Variants in FMNL2 observed in about 807,000 individuals in gnomAD.
FMNL2 encodes formin like 2.
FMNL2 carries 51 observed loss-of-function variants against 130.2 expected under a neutral mutation model. The observed-to-expected ratio is 0.39, with a 90% CI of 0.31 to 0.49. The LOEUF (loss-of-function observed/expected upper bound fraction) is 0.49. Ranked by LOEUF, FMNL2 falls within the 20% of genes least tolerant of loss-of-function variation. The pLI, the probability that FMNL2 is intolerant of heterozygous loss-of-function variation, is 0.85. For missense variants in FMNL2, 977 were observed against 1,316.2 expected, an observed-to-expected ratio of 0.74 and a Z score of 3.99; for synonymous variants, 465 against 467.1, an observed-to-expected ratio of 1.00 and a Z score of 0.06.
intron 1 of FMNL2, among the ~76,000 whole-genome samples, chr2:152,520,572 G>A (rs1312933819): frequency 6.8e-6 from 1 of 146,756 alleles, no homozygotes; most frequent in Admixed American, 6.9e-5. Flanking sequence ...TACAGCCTGG[G>A]CAACAGGAGT....
intron 8 of FMNL2, 126 bp from the exon 9 acceptor site, chr2:152,580,830 C>T (rs1463656211): frequency 5.0e-6 from 4 of 796,090 alleles, no homozygotes; most frequent in Admixed American, 5.0e-5. Flanking sequence ...TTAAACTGTA[C>T]CTTAGTAAAA....
At chr2:152,419,387 G>A (rs1250071108) in intron 1 of FMNL2, among the ~76,000 whole-genome samples, 1 of 152,126 alleles carries the variant, frequency 6.6e-6, no homozygotes, top group Non-Finnish European at 1.5e-5. Flanking sequence ...AAAAAAGGAA[G>A]AAATTCTGTC....
chr2:152,357,646 A>G (rs1306265825), intron 1 of FMNL2, among the ~76,000 whole-genome samples: 1 of 149,618 alleles, frequency 6.7e-6, no homozygotes, highest in African/African-American at 2.4e-5. Flanking sequence ...AGTTTAATGT[A>G]TAACGATAAA....
rs115216121 is a variant in FMNL2, at chr2:152,420,394, A to G, written c.117+84674A>G. The stretch of plus-strand genomic sequence containing the variant: ...CAAGCTGAATATTACTTAAAATGCC[A>G]GTAGGAAAAAAAGTCACACCCCTTT... On this transcript the variant is annotated intron_variant, in intron 1 of 25. Transcript: ENST00000288670. Among the ~76,000 whole-genome samples, 1,388 of 152,326 alleles carry G rather than the reference A, an allele frequency of 9.1e-3. 29 individuals are homozygous for G. The highest frequency in any genetic ancestry group is 0.032 in the African/African-American group (1,334 of 41,586).
At chr2:152,433,559 G>A (rs367883259) in intron 1 of FMNL2, among the ~76,000 whole-genome samples, 1 of 152,186 alleles carries the variant, frequency 6.6e-6, no homozygotes, top group Non-Finnish European at 1.5e-5. Context: ...GTAGTCTACC[G>A]TGGACATCAG....
At chr2:152,494,244 G>A (rs999315294) in intron 1 of FMNL2, among the ~76,000 whole-genome samples, 3 of 152,158 alleles carry the variant, frequency 2.0e-5, no homozygotes, top group Admixed American at 2.0e-4. Context: ...GTGTTTTGTT[G>A]GACTAAAGTT....
Position 152,617,084 on chromosome 2 carries a change from T to G in FMNL2, c.1213-7T>G. The G allele has an allele frequency of 6.2e-7, 1 of 1,613,544 alleles. No homozygotes were observed. Among genetic ancestry groups the G allele is most frequent in the Non-Finnish European group, 8.5e-7 (1 of 1,179,608 alleles). ...ATTGTGACAGCTTTCTTTTCAAAAT[T>G]TTACAGTTATCTGAAAAACTGCAAG... is the stretch of plus-strand genomic sequence containing the variant. On this transcript the variant is annotated splice_region_variant and splice_polypyrimidine_tract_variant and intron_variant, in intron 12 of 25. Transcript: ENST00000288670.
chr2:152,468,537 T>C (rs1045058730), intron 1 of FMNL2, among the ~76,000 whole-genome samples: 9 of 152,244 alleles, frequency 5.9e-5, no homozygotes, highest in African/African-American at 2.2e-4. Flanking sequence ...TACAATGTGC[T>C]GTAAGTAAAA....
chr2:152,610,482 C>T (rs1253336699), intron 10 of FMNL2, among the ~76,000 whole-genome samples: 3 of 152,188 alleles, frequency 2.0e-5, no homozygotes, highest in Admixed American at 2.0e-4. Flanking sequence ...CAGCCCTAGG[C>T]AACCACTAAC....
intron 1 of FMNL2, among the ~76,000 whole-genome samples, chr2:152,495,928 A>G (rs1691495893): frequency 6.6e-6 from 1 of 152,130 alleles, no homozygotes; most frequent in Admixed American, 6.6e-5. Flanking sequence ...TGTTTACCCC[A>G]GCATTAAGCT....
intron 1 of FMNL2, among the ~76,000 whole-genome samples, chr2:152,372,398 C>T (rs1222263498): frequency 6.6e-6 from 1 of 152,150 alleles, no homozygotes; most frequent in African/African-American, 2.4e-5. Flanking sequence ...ACATAAATTG[C>T]ACAGCATGCA....
intron 4 of FMNL2, among the ~76,000 whole-genome samples, chr2:152,549,655 A>T (rs147372319): frequency 6.6e-6 from 1 of 152,236 alleles, no homozygotes; most frequent in Admixed American, 6.5e-5. Flanking sequence ...CAGGGAATCT[A>T]TGCACTAAGC....
intron 1 of FMNL2, among the ~76,000 whole-genome samples, chr2:152,436,855 C>T (rs973201467): frequency 7.2e-5 from 11 of 152,170 alleles, no homozygotes; most frequent in African/African-American, 2.2e-4. Context: ...AAGTAGACCC[C>T]TCTGTCCACG....
intron 9 of FMNL2, among the ~76,000 whole-genome samples, chr2:152,585,285 T>G (rs539189364): frequency 1.3e-5 from 2 of 152,232 alleles, no homozygotes; most frequent in Admixed American, 1.3e-4. Flanking sequence ...CTATTTTTTC[T>G]TATTGGCTAA....
intron 1 of FMNL2, among the ~76,000 whole-genome samples, chr2:152,510,267 T>C (rs1431899328): frequency 6.6e-6 from 1 of 152,216 alleles, no homozygotes; most frequent in Non-Finnish European, 1.5e-5. Flanking sequence ...CTGAGCAGAA[T>C]TCTGTTAGAC....
chr2:152,364,261 G>GTGTTT (rs1173644376), intron 1 of FMNL2, among the ~76,000 whole-genome samples: 13 of 24,462 alleles, frequency 5.3e-4, no homozygotes, highest in African/African-American at 1.7e-3. Context: ...AGGTTTGTGT[G>GTGTTT]TTTTTTTTTT....
chr2:152,581,113 G>T lies in FMNL2; in HGVS notation c.876+64G>T, dbSNP rs544722715. ...TCTTACATTTGGACATCTTTGAACG[G>T]AATTATTTACCTTTTCATTTATCCT... On this transcript the variant is annotated intron_variant, in intron 9 of 25. Coordinates refer to ENST00000288670, the MANE Select transcript of FMNL2 (RefSeq NM_052905.4). 17 of 1,426,692 alleles carry T rather than the reference G, an allele frequency of 1.2e-5. No individual in the cohort carries two copies. The East Asian group carries it at 3.9e-4, about 33-fold the overall frequency. 88.4% of individuals were successfully genotyped at this position (1,426,692 alleles called of 1,614,324 possible).
chr2:152,351,032 G>A (rs1682451913), intron 1 of FMNL2, among the ~76,000 whole-genome samples: 1 of 152,136 alleles, frequency 6.6e-6, no homozygotes, highest in South Asian at 2.1e-4. Context: ...GTAACAGAGT[G>A]AGACTCTTTC....
chr2:152,506,141 G>A (rs1357097463), intron 1 of FMNL2, among the ~76,000 whole-genome samples: 3 of 152,088 alleles, frequency 2.0e-5, no homozygotes, highest in Non-Finnish European at 4.4e-5. Flanking sequence ...GAAATATCTC[G>A]TTTTTATGAT....
Sources: allele counts gnomAD v4.1 joint callset (sites outside exome capture counted in the v4.1 genomes callset), GRCh38; gene constraint gnomAD v4.1.1; transcripts MANE v1.5; gene names NCBI Gene and HGNC (gene_info 2026-07-23, HGNC 2026-07-21).